NIN: variants seen among roughly 807,000 people sequenced by gnomAD.
NIN encodes glycogen synthase kinase 3 beta-interacting protein.
A neutral mutation model predicts 257.6 loss-of-function variants in NIN; 137 were observed. The observed-to-expected ratio is 0.53, with a 90% CI of 0.46 to 0.61. The LOEUF (loss-of-function observed/expected upper bound fraction) is 0.61, where lower values mean the gene tolerates loss of function less well. NIN is among the 20% of genes least tolerant of loss of function. The probability of loss-of-function intolerance (pLI) is 0.00; values close to 1 mark genes in which losing one functional copy is unlikely to be tolerated. For missense variants in NIN, 2,439 were observed against 2,501.2 expected, an observed-to-expected ratio of 0.98 and a Z score of 0.53; for synonymous variants, 918 against 919.8, an observed-to-expected ratio of 1.00 and a Z score of 0.04.
At chr14:50,772,537 C>A (rs867187139) in intron 8 of NIN, 69 bp from the exon 9 acceptor site, 2 of 1,391,280 alleles carry the variant, frequency 1.4e-6, no homozygotes, top group South Asian at 2.4e-5. Flanking sequence ...ATTGGTCAGC[C>A]CTGACCACGA....
chr14:50,733,980 A>C (rs1433460018), intron 28 of NIN, among the ~76,000 whole-genome samples: 1 of 152,230 alleles, frequency 6.6e-6, no homozygotes, highest in Non-Finnish European at 1.5e-5. Flanking sequence ...CATATTTCAC[A>C]TTAAAAATCA....
chr14:50,802,488 G>A (rs930546852), intron 4 of NIN, among the ~76,000 whole-genome samples: 1 of 152,144 alleles, frequency 6.6e-6, no homozygotes, highest in Non-Finnish European at 1.5e-5. Context: ...TCCCATGAGA[G>A]CTTTGTTTTT....
intron 30 of NIN, among the ~76,000 whole-genome samples, chr14:50,724,450 C>T (rs1189140004): frequency 6.6e-6 from 1 of 152,180 alleles, no homozygotes; most frequent in African/African-American, 2.4e-5. Flanking sequence ...GATGACAGCA[C>T]TCTCAAGCTC....
At chr14:50,823,586 C>G (rs545664860) in intron 2 of NIN, 1 of 191,600 alleles carries the variant, frequency 5.2e-6, no homozygotes, top group Non-Finnish European at 1.1e-5. Context: ...AACAGGGCCA[C>G]GATCTTGCCA....
chr14:50,820,950 G>T (rs891743313), intron 3 of NIN, among the ~76,000 whole-genome samples: 15 of 152,114 alleles, frequency 9.9e-5, no homozygotes, highest in African/African-American at 3.6e-4. Context: ...ATGAAATGAA[G>T]AAAAGGAAGC....
chr14:50,778,765 C>T lies in NIN; in HGVS notation c.475G>A (p.Gly159Ser). Reference protein sequence around the residue: ...TQRSEEYEAEGQLRFWNPDDL... With the variant: ...TQRSEEYEAESQLRFWNPDDL... ...ACGTCCTGACACACTCGGCTCTTAC[C>T]TTCCGCTTCATACTCCTCACTGCGT... Residue 159 changes from glycine to serine, a missense_variant and splice_region_variant, in exon 6 of 31, where the codon GGC (glycine) becomes AGC (serine). Physicochemically the swap from Gly to Ser is moderately conservative, Grantham distance 56. This residue lies in a region of NIN where 387 missense variants were observed against 427.3 expected (regional missense o/e 0.91). Coordinates refer to ENST00000530997, the MANE Select transcript of NIN (RefSeq NM_020921.4). 6.2e-7 allele frequency: 1 copy of T among 1,614,054 alleles called. No homozygotes were observed. The highest frequency in any genetic ancestry group is 8.5e-7 in the Non-Finnish European group (1 of 1,179,984).
rs920149743 is a variant in NIN at position 50,722,622 on chromosome 14, C to T, written c.*841G>A. The stretch of plus-strand genomic sequence containing the variant: ...ACTCTAAGATTTGAGAGACAGAAAA[C>T]CTACATGGTCTGCTTATCCCTCTTT... On this transcript the variant is annotated 3_prime_UTR_variant, in exon 31 of 31. Transcript: ENST00000530997. 1.2e-4 allele frequency: 26 copies of T among 214,082 alleles called. No homozygotes were observed. The highest frequency in any genetic ancestry group is 2.3e-4 in the Non-Finnish European group (24 of 105,642). The allele number at this position is 214,082 out of a possible 1,614,324, so 13.3% of individuals were successfully genotyped here.
intron 29 of NIN, chr14:50,727,662 G>C (rs1276708529): frequency 1.4e-6 from 2 of 1,442,684 alleles, no homozygotes; most frequent in Non-Finnish European, 1.9e-6. Flanking sequence ...GCCATGGTAA[G>C]AAATGCCATC....
In NIN at chr14:50,815,244, C is replaced by T. The variant is rs539153040; in HGVS notation, c.183+6630G>A. Reference sequence around the variant, plus strand: ...AAAGTGGGCAAAGGACATGAACAGGCACTTCTCAAAAGTAGACATTCATGC... The same window carrying T: ...AAAGTGGGCAAAGGACATGAACAGGTACTTCTCAAAAGTAGACATTCATGC... On this transcript the variant is annotated intron_variant, in intron 3 of 30. Coordinates refer to ENST00000530997, the MANE Select transcript of NIN (RefSeq NM_020921.4). Among the ~76,000 whole-genome samples, 379 of 152,288 alleles carry T rather than the reference C, an allele frequency of 2.5e-3. 2 individuals carry two copies. Among genetic ancestry groups the T allele is most frequent in the Non-Finnish European group, 4.2e-3 (287 of 68,020 alleles).
Position 50,757,903 on chromosome 14 carries a change from C to A in NIN, c.3127G>T (p.Glu1043Ter). Reference sequence around the variant, plus strand: ...GACAGGGCTCCATCTCCTTCCACCTCCTCCTCTCCTATCACCTGGCAACCA... The same window carrying A: ...GACAGGGCTCCATCTCCTTCCACCTACTCCTCTCCTATCACCTGGCAACCA... ...QSGCQVIGEEEVEGDGALSLL... is the reference protein window; with the variant it reads ...QSGCQVIGEE Residue 1043 changes from glutamate (E) to a stop codon, truncating the protein, a stop_gained, in exon 18 of 31, where the codon GAG becomes TAG. Coordinates refer to ENST00000530997, the MANE Select transcript of NIN (RefSeq NM_020921.4). LOFTEE classifies it high-confidence loss of function. 6.2e-7 allele frequency: 1 copy of A among 1,614,170 alleles called. No homozygotes were observed.
At chr14:50,801,775 G>A (rs1231516137) in intron 4 of NIN, among the ~76,000 whole-genome samples, 1 of 152,168 alleles carries the variant, frequency 6.6e-6, no homozygotes, top group Non-Finnish European at 1.5e-5. Flanking sequence ...AACTAGGAAG[G>A]TCTGTTACAA....
chr14:50,730,895 G>C, intron 28 of NIN: 1 of 1,333,928 alleles, frequency 7.5e-7, no homozygotes, highest in African/African-American at 1.5e-5. Context: ...TCCATGCTAT[G>C]AAAGTTCATT....
intron 28 of NIN, among the ~76,000 whole-genome samples, chr14:50,732,035 C>G (rs2040734677): frequency 6.6e-6 from 1 of 152,154 alleles, no homozygotes; most frequent in African/African-American, 2.4e-5. Context: ...TCAAAACAAA[C>G]TTATTGAACC....
chr14:50,786,890 T>C (rs533429475), intron 5 of NIN, among the ~76,000 whole-genome samples: 58 of 152,314 alleles, frequency 3.8e-4, no homozygotes, highest in African/African-American at 1.3e-3. Context: ...TACATGAAAA[T>C]GAACATAAGG....
intron 2 of NIN, chr14:50,823,155 G>GT (rs111307230): frequency 0.16 from 36,968 of 230,760 alleles, 17 homozygotes; most frequent in South Asian, 0.31. Flanking sequence ...TGAAATCTGT[G>GT]GTTTTTTTTT....
intron 29 of NIN, among the ~76,000 whole-genome samples, chr14:50,729,082 G>A (rs539984691): frequency 5.3e-5 from 8 of 152,154 alleles, no homozygotes; most frequent in African/African-American, 1.9e-4. Flanking sequence ...ATTGTGCGCT[G>A]TGTTTAAGTG....
In NIN at chr14:50,763,512, C is replaced by G. The variant is rs1186005024; in HGVS notation, c.1774+314G>C. Among the ~76,000 whole-genome samples, 6 of 152,178 alleles carry G rather than the reference C, an allele frequency of 3.9e-5. No individual in the cohort carries two copies. The East Asian group carries it at 1.2e-3, about 29-fold the overall frequency. ...ATAGCTCAGTGTCTGAATTCTAACACTCCCAAGGCCTGGATTCCCAGATTT... is the reference window on the plus strand; with the variant it reads ...ATAGCTCAGTGTCTGAATTCTAACAGTCCCAAGGCCTGGATTCCCAGATTT... On this transcript the variant is annotated intron_variant, in intron 15 of 30. Coordinates refer to ENST00000530997, the MANE Select transcript of NIN (RefSeq NM_020921.4).
At chr14:50,775,406 G>A (rs1180935515) in intron 7 of NIN, among the ~76,000 whole-genome samples, 7 of 152,160 alleles carry the variant, frequency 4.6e-5, no homozygotes, top group African/African-American at 7.2e-5. Flanking sequence ...GAACAGCCAC[G>A]ATTTCACTCT....
At chr14:50,780,550 T>G (rs1480122216) in intron 5 of NIN, among the ~76,000 whole-genome samples, 2 of 152,238 alleles carry the variant, frequency 1.3e-5, no homozygotes, top group African/African-American at 4.8e-5. Context: ...CAACCTACGC[T>G]CATCTACTTT....
Sources: gnomAD v4.1 joint callset for allele counts (sites outside exome capture counted in the v4.1 genomes callset) on GRCh38, gnomAD v4.1.1 for gene constraint, gnomAD v4.1.1 regional missense constraint, MANE v1.5 for transcripts, NCBI Gene and HGNC (gene_info 2026-07-23, HGNC 2026-07-21) for gene names.